Variants in XPNPEP3 observed in about 807,000 individuals in gnomAD.
The protein encoded by XPNPEP3 is X-prolyl aminopeptidase 3.
In XPNPEP3, 41 loss-of-function variants were observed where a neutral mutation model predicts 60.0. The observed-to-expected ratio is 0.68, with a 90% CI of 0.53 to 0.89. The LOEUF (loss-of-function observed/expected upper bound fraction) is 0.89. Ranked by LOEUF, XPNPEP3 falls within the 40% of genes least tolerant of loss-of-function variation. The probability of loss-of-function intolerance (pLI) is 0.00; values close to 1 mark genes in which losing one functional copy is unlikely to be tolerated. For missense variants in XPNPEP3, 598 were observed against 638.9 expected, an observed-to-expected ratio of 0.94 and a Z score of 0.69; for synonymous variants, 212 against 223.2, an observed-to-expected ratio of 0.95 and a Z score of 0.45.
intron 1 of XPNPEP3, chr22:40,861,614 A>G: frequency 1.2e-6 from 2 of 1,613,204 alleles, no homozygotes; most frequent in Non-Finnish European, 1.7e-6. Context: ...TTCTGTTTCC[A>G]TAGGAGCTTC....
chr22:40,886,826 CA>C (rs1244520436), intron 4 of XPNPEP3, among the ~76,000 whole-genome samples: 7,280 of 61,908 alleles, frequency 0.12, 514 homozygotes, highest in African/African-American at 0.32. Flanking sequence ...GACTCCATCT[CA>C]AAAAAAAAAA....
chr22:40,922,384 A>G lies in XPNPEP3; in HGVS notation c.1107A>G (p.Arg369=). Reference sequence around the variant, plus strand: ...ATGAAGCCGTTCTAGAGATCCAAAGAGATTGTTTGGCCCTCTGCTTCCCTG... The same window carrying G: ...ATGAAGCCGTTCTAGAGATCCAAAGGGATTGTTTGGCCCTCTGCTTCCCTG... ...ELYEAVLEIQ[R]DCLALCFPGT... is the part of the protein sequence containing the mutation. Residue 369 remains arginine, a synonymous_variant, in exon 8 of 10, where the codon AGA becomes AGG. Transcript: ENST00000357137. 6.2e-7 allele frequency: 1 copy of G among 1,613,816 alleles called. No homozygotes were observed. Among genetic ancestry groups the G allele is most frequent in the Non-Finnish European group, 8.5e-7 (1 of 1,179,812 alleles).
At chr22:40,915,687 T>G (rs1426824538) in intron 7 of XPNPEP3, among the ~76,000 whole-genome samples, 1 of 152,068 alleles carries the variant, frequency 6.6e-6, no homozygotes, top group East Asian at 1.9e-4. Flanking sequence ...AATGATAGAT[T>G]TAGGTGCTGA....
At chr22:40,887,460 A>T (rs985934276) in intron 4 of XPNPEP3, among the ~76,000 whole-genome samples, 2 of 152,182 alleles carry the variant, frequency 1.3e-5, no homozygotes, top group African/African-American at 2.4e-5. Flanking sequence ...GAAGTCCGAG[A>T]TCAAGGTGCC....
chr22:40,881,482 A>G (rs946459614), intron 2 of XPNPEP3, among the ~76,000 whole-genome samples: 6 of 152,038 alleles, frequency 3.9e-5, no homozygotes, highest in African/African-American at 9.7e-5. Context: ...ATTATATTCA[A>G]TGAATATAAC....
chr22:40,862,281 T>C, intron 1 of XPNPEP3: 1 of 1,097,068 alleles, frequency 9.1e-7, no homozygotes, highest in Non-Finnish European at 1.1e-6. Flanking sequence ...CCATCCTGAA[T>C]CCTCTGGACT....
intron 4 of XPNPEP3, among the ~76,000 whole-genome samples, chr22:40,893,193 T>G (rs2058095042): frequency 6.8e-6 from 1 of 147,630 alleles, no homozygotes; most frequent in Non-Finnish European, 1.5e-5. Flanking sequence ...GCAAAACAGG[T>G]TGCTTTCCCA....
intron 4 of XPNPEP3, among the ~76,000 whole-genome samples, chr22:40,890,285 C>G (rs1000796220): frequency 3.3e-5 from 5 of 152,078 alleles, no homozygotes; most frequent in Non-Finnish European, 1.5e-5. Context: ...TGGTGGCTCA[C>G]ACCTGTAATC....
chr22:40,921,072 G>A lies in XPNPEP3; in HGVS notation c.1056-1261G>A, dbSNP rs372668914. Among the ~76,000 whole-genome samples the A allele has an allele frequency of 1.9e-4, 29 of 152,258 alleles. 1 individual carries two copies. The East Asian group carries it at 4.8e-3, about 25-fold the overall frequency. On this transcript the variant is annotated intron_variant, in intron 7 of 9. Transcript: ENST00000357137. ...CTCCCAAAGTGTTGGGATTACAGGCGTGAGCCACCGCGCCCAGCCCCTCAT... is the reference window on the plus strand; with the variant it reads ...CTCCCAAAGTGTTGGGATTACAGGCATGAGCCACCGCGCCCAGCCCCTCAT...
At chr22:40,863,008 CATT>C (rs1411965521) in intron 1 of XPNPEP3, among the ~76,000 whole-genome samples, 2 of 152,206 alleles carry the variant, frequency 1.3e-5, no homozygotes, top group African/African-American at 4.8e-5. Context: ...GAGGAGATGA[CATT>C]ATTGCTGAGA....
At chr22:40,881,085 G>A (rs555645578) in intron 2 of XPNPEP3, among the ~76,000 whole-genome samples, 13 of 151,876 alleles carry the variant, frequency 8.6e-5, no homozygotes, top group Admixed American at 2.6e-4. Flanking sequence ...TTGCTTTGTC[G>A]CGTAGACTGG....
At chr22:40,877,915 A>G (rs962840074) in intron 2 of XPNPEP3, among the ~76,000 whole-genome samples, 103 of 152,002 alleles carry the variant, frequency 6.8e-4, no homozygotes, top group African/African-American at 2.5e-3. Flanking sequence ...TTCTTGAGTA[A>G]ATTTTTTGTT....
At chr22:40,863,318 A>G (rs1224341971) in intron 1 of XPNPEP3, among the ~76,000 whole-genome samples, 1 of 152,242 alleles carries the variant, frequency 6.6e-6, no homozygotes, top group Non-Finnish European at 1.5e-5. Context: ...CCAGTAGTCT[A>G]GACCCGAATT....
intron 4 of XPNPEP3, among the ~76,000 whole-genome samples, chr22:40,903,832 T>C (rs1037663854): frequency 6.6e-6 from 1 of 151,146 alleles, no homozygotes; most frequent in Non-Finnish European, 1.5e-5. Context: ...AAAAGATCCA[T>C]GGGACAATGT....
Position 40,875,663 on chromosome 22 carries a change from T to C in XPNPEP3, c.182-6107T>C, listed in dbSNP as rs556861191. Among the ~76,000 whole-genome samples, 119 of 152,072 alleles carry C rather than the reference T, an allele frequency of 7.8e-4. 4 individuals carry two copies. The South Asian group carries it at 0.023, about 30-fold the overall frequency. On this transcript the variant is annotated intron_variant, in intron 2 of 9. Coordinates refer to ENST00000357137, the MANE Select transcript of XPNPEP3 (RefSeq NM_022098.4). ...TTTGTTTTTAAGCCCTAGGGAGAAA[T>C]AGAAAATCTTGAAATATAATAAAGT...
chr22:40,875,791 A>AT (rs1320489550), intron 2 of XPNPEP3, among the ~76,000 whole-genome samples: 1 of 151,072 alleles, frequency 6.6e-6, no homozygotes, highest in Admixed American at 6.6e-5. Flanking sequence ...AGGTGGGCCG[A>AT]TTGCTTGAGG....
At chr22:40,917,442 T>C (rs760239702) in intron 7 of XPNPEP3, 3 of 152,016 alleles carry the variant, frequency 2.0e-5, no homozygotes, top group Non-Finnish European at 2.9e-5. Flanking sequence ...GAGTGACTGC[T>C]AACAGATACA....
intron 4 of XPNPEP3, among the ~76,000 whole-genome samples, chr22:40,887,488 G>T (rs745676712): frequency 1.3e-5 from 2 of 152,140 alleles, no homozygotes; most frequent in Non-Finnish European, 2.9e-5. Context: ...TCCATTTCTG[G>T]TGAGGGCTCT....
rs567008673 is a variant in XPNPEP3 at position 40,927,179 on chromosome 22, G to A, written c.*744G>A. ...GAAAATTATATATGTATATACTAAA[G>A]ATCCAGACATCAGGGCTGGGCACAG... On this transcript the variant is annotated 3_prime_UTR_variant, in exon 10 of 10. Coordinates refer to ENST00000357137, the MANE Select transcript of XPNPEP3 (RefSeq NM_022098.4). 6.5e-6 allele frequency: 1 copy of A among 152,796 alleles called. No homozygotes were observed. Among genetic ancestry groups the A allele is most frequent in the Non-Finnish European group, 1.5e-5 (1 of 68,418 alleles). The allele number at this position is 152,796 out of a possible 1,614,324, so 9.5% of individuals were successfully genotyped here.
Sources: gnomAD v4.1 joint callset for allele counts (sites outside exome capture counted in the v4.1 genomes callset) on GRCh38, gnomAD v4.1.1 for gene constraint, MANE v1.5 for transcripts, NCBI Gene and HGNC (gene_info 2026-07-23, HGNC 2026-07-21) for gene names.